Variants in PKIB observed in about 807,000 individuals in gnomAD.
PKIB encodes PKI-beta.
Under a neutral mutation model 4.5 loss-of-function variants are expected in PKIB, and 2 were observed. The ratio of observed to expected loss-of-function variants is 0.44; its 90% CI spans 0.18 to 1.39. The LOEUF is 1.39. Among genes scored for constraint, PKIB ranks in the 40% most tolerant of loss-of-function variants. The pLI is 0.27. For missense variants in PKIB, 94 were observed against 92.6 expected (o/e 1.02, Z -0.06); for synonymous variants, 38 against 36.0 (o/e 1.06, Z -0.20).
chr6:122,547,282 TG>T (rs144081001), intron 2 of PKIB, among the ~76,000 whole-genome samples: 5,071 of 151,864 alleles, frequency 0.033, 332 homozygotes, highest in African/African-American at 0.12. Flanking sequence ...CTTGGGGTGG[TG>T]GGGGTGGAGG....
chr6:122,598,836 A>G (rs1774261511), intron 3 of PKIB, among the ~76,000 whole-genome samples: 1 of 152,150 alleles, frequency 6.6e-6, no homozygotes. Context: ...TGCAACATTA[A>G]ATGCAATGCA....
At position 122,536,276 on chromosome 6, in the gene PKIB, GAA is replaced by G. The variant is rs576848290; in HGVS notation, c.-247-49639_-247-49638del. ...TTATAGCCTTGAAAATGGTCTTTGT[GAA>G]AAAAAGACAGTGGAAAAATTGTTAT... is the stretch of plus-strand genomic sequence containing the variant. On this transcript the variant is annotated intron_variant, in intron 2 of 6. Transcript: ENST00000392491. Among the ~76,000 whole-genome samples the G allele has an allele frequency of 1.1e-4, 16 of 152,070 alleles. No homozygotes were observed. In the South Asian group the frequency reaches 3.3e-3, roughly 32 times the overall value.
chr6:122,532,446 A>C (rs929428622), intron 2 of PKIB, among the ~76,000 whole-genome samples: 2 of 152,214 alleles, frequency 1.3e-5, no homozygotes, highest in African/African-American at 4.8e-5. Context: ...CATTAGGTGC[A>C]TTAACATTGT....
chr6:122,670,936 C>T (rs1777438550), intron 2 of PKIB, among the ~76,000 whole-genome samples: 1 of 152,180 alleles, frequency 6.6e-6, no homozygotes, highest in Non-Finnish European at 1.5e-5. Context: ...TTTTAACTTT[C>T]AGGGTTTTAT....
intron 3 of PKIB, among the ~76,000 whole-genome samples, chr6:122,699,430 T>C (rs1778708240): frequency 6.6e-6 from 1 of 152,106 alleles, no homozygotes; most frequent in Non-Finnish European, 1.5e-5. Context: ...GTCAGAAGTT[T>C]CAATACTCAG....
At chr6:122,687,181 A>G (rs558397978) in intron 3 of PKIB, among the ~76,000 whole-genome samples, 27 of 152,316 alleles carry the variant, frequency 1.8e-4, no homozygotes, top group African/African-American at 6.0e-4. Flanking sequence ...ACTCTTCTGC[A>G]TATGGATATC....
At chr6:122,545,205 C>G (rs1772454418) in intron 2 of PKIB, among the ~76,000 whole-genome samples, 1 of 151,976 alleles carries the variant, frequency 6.6e-6, no homozygotes, top group Non-Finnish European at 1.5e-5. Context: ...CATCACAGTA[C>G]TATTCACAAT....
chr6:122,662,828 G>A lies in PKIB; in HGVS notation c.-75-12250G>A, dbSNP rs528863963. ...GGTATATAACTTGTCCAAAGACACA[G>A]AGCTAGTCAGTAGCGGAGCTAGCAA... On this transcript the variant is annotated intron_variant, in intron 2 of 4. Transcript: ENST00000368452. 1.5e-4 allele frequency among the ~76,000 whole-genome samples: 23 copies of A among 152,298 alleles called. No homozygotes were observed. The East Asian group carries it at 3.1e-3, about 20-fold the overall frequency.
intron 1 of PKIB, among the ~76,000 whole-genome samples, chr6:122,627,136 A>G (rs371208130): frequency 2.1e-4 from 32 of 150,706 alleles, no homozygotes; most frequent in African/African-American, 7.6e-4. Context: ...CCAGCTACTC[A>G]GGAGACTGAG....
Position 122,488,198 on chromosome 6 carries a change from T to C in PKIB, c.-248+10259T>C, listed in dbSNP as rs183348433. Among the ~76,000 whole-genome samples, 1,345 of 152,208 alleles carry C rather than the reference T, an allele frequency of 8.8e-3. 9 individuals carry two copies. Among genetic ancestry groups the C allele is most frequent in the Non-Finnish European group, 0.013 (912 of 68,008 alleles). ...CATTTGGCTGGAAGTAATAGCTTTTTCTTTCATATATATATATTCATATAT... is the reference window on the plus strand; with the variant it reads ...CATTTGGCTGGAAGTAATAGCTTTTCCTTTCATATATATATATTCATATAT... On this transcript the variant is annotated intron_variant, in intron 2 of 6. Transcript: ENST00000392491.
intron 3 of PKIB, chr6:122,701,050 T>C (rs991201413): frequency 1.4e-4 from 24 of 165,564 alleles, no homozygotes; most frequent in African/African-American, 5.7e-4. Context: ...CACCCTTTTC[T>C]TTTTTCATTA....
chr6:122,516,173 G>A lies in PKIB; in HGVS notation c.-248+38234G>A, dbSNP rs531852162. Among the ~76,000 whole-genome samples the A allele has an allele frequency of 2.7e-3, 416 of 152,304 alleles. 1 individual carries two copies. Among genetic ancestry groups the A allele is most frequent in the African/African-American group, 9.6e-3 (401 of 41,574 alleles). On this transcript the variant is annotated intron_variant, in intron 2 of 6. Transcript: ENST00000392491. ...AAAGAGCACACACGTAACTACTTGA[G>A]CAGAGGAGTGAGCCAGTATCTGGCT... is the stretch of plus-strand genomic sequence containing the variant.
chr6:122,600,143 C>G (rs1238771010), intron 3 of PKIB, among the ~76,000 whole-genome samples: 1 of 152,082 alleles, frequency 6.6e-6, no homozygotes, highest in Non-Finnish European at 1.5e-5. Context: ...GTATGAGTCC[C>G]AAAACTGAAG....
chr6:122,677,334 T>G (rs1777710773), intron 3 of PKIB, among the ~76,000 whole-genome samples: 1 of 152,216 alleles, frequency 6.6e-6, no homozygotes, highest in Non-Finnish European at 1.5e-5. Context: ...ATTTGTTTTT[T>G]GTTTTTTTTA....
intron 1 of PKIB, among the ~76,000 whole-genome samples, chr6:122,476,503 A>G (rs1299225061): frequency 6.6e-6 from 1 of 152,172 alleles, no homozygotes; most frequent in East Asian, 1.9e-4. Flanking sequence ...CAAATGAACA[A>G]TATTCTTTCC....
chr6:122,655,450 A>T (rs916384109), intron 2 of PKIB, among the ~76,000 whole-genome samples: 4 of 152,174 alleles, frequency 2.6e-5, no homozygotes, highest in African/African-American at 9.7e-5. Flanking sequence ...TCCTCATGTG[A>T]GGATACAGCA....
rs541986991 is a variant in PKIB at position 122,600,736 on chromosome 6, A to G, written c.-161+14729A>G. ...TACTAATAGAAAAACAAAAATATCT[A>G]TCACCCACCATAAATGATAAAATCA... On this transcript the variant is annotated intron_variant, in intron 3 of 6. Coordinates refer to the PKIB transcript ENST00000392491. 2.0e-5 allele frequency among the ~76,000 whole-genome samples: 3 copies of G among 152,310 alleles called. No individual in the cohort carries two copies. In the South Asian group the frequency reaches 6.2e-4, roughly 32 times the overall value.
intron 2 of PKIB, among the ~76,000 whole-genome samples, chr6:122,532,896 C>G (rs1777299707): frequency 6.6e-6 from 1 of 152,134 alleles, no homozygotes; most frequent in Admixed American, 6.6e-5. Context: ...CACCGAATCA[C>G]ATGTTCATCC....
intron 3 of PKIB, among the ~76,000 whole-genome samples, chr6:122,598,852 C>T (rs1774262337): frequency 1.3e-5 from 2 of 152,028 alleles, no homozygotes; most frequent in Admixed American, 1.3e-4. Context: ...ATGCAGAGTC[C>T]CTACTTAGTG....
Sources: gnomAD v4.1 joint callset for allele counts (sites outside exome capture counted in the v4.1 genomes callset) on GRCh38, gnomAD v4.1.1 for gene constraint, MANE v1.5 for transcripts, NCBI Gene and HGNC (gene_info 2026-07-23, HGNC 2026-07-21) for gene names.